The following KATNIP variants were observed in gnomAD, a reference collection of about 807,000 sequenced individuals.
KATNIP encodes katanin interacting protein.
Under a neutral mutation model 174.0 loss-of-function variants are expected in KATNIP, and 126 were observed. The observed-to-expected ratio is 0.72, with a 90% CI of 0.63 to 0.84. The LOEUF is 0.84. Among genes scored for constraint, KATNIP ranks in the 40% least tolerant of loss-of-function variants. The pLI is 0.00. For synonymous variants in KATNIP, 810 were observed against 835.7 expected, an observed-to-expected ratio of 0.97 and a Z score of 0.53; for missense variants, 1,958 against 2,109.7, an observed-to-expected ratio of 0.93 and a Z score of 1.41.
chr16:27,679,348 A>C lies in KATNIP; in HGVS notation c.808+1352A>C, dbSNP rs370697573. ...GTCCTAATCTCCTCTTCTTAGGAGA[A>C]GTTATATTGGATTAGGGCCCACCTA... On this transcript the variant is annotated intron_variant, in intron 7 of 27. Coordinates refer to ENST00000261588, the MANE Select transcript of KATNIP (RefSeq NM_015202.5). 2.6e-5 allele frequency among the ~76,000 whole-genome samples: 4 copies of C among 152,186 alleles called. No individual in the cohort carries two copies. In the East Asian group the frequency reaches 7.7e-4, roughly 29 times the overall value.
rs2081527658 is a variant in KATNIP at position 27,751,783 on chromosome 16, C to T, written c.3411C>T (p.Phe1137=). 1.9e-6 allele frequency: 3 copies of T among 1,614,238 alleles called. No homozygotes were observed. Among genetic ancestry groups the T allele is most frequent in the Non-Finnish European group, 2.5e-6 (3 of 1,180,036 alleles). The part of the protein sequence containing the change: ...TTDDDILEAI[F]YSDEMFDLDV... ...ATGATGACATTCTCGAGGCCATATT[C>T]TATTCTGATGAGATGTTTGACCTGG... Residue 1137 remains phenylalanine, a synonymous_variant, in exon 17 of 28, where the codon TTC becomes TTT. Coordinates refer to ENST00000261588, the MANE Select transcript of KATNIP (RefSeq NM_015202.5).
intron 6 of KATNIP, among the ~76,000 whole-genome samples, chr16:27,657,694 G>A (rs369785046): frequency 3.3e-5 from 5 of 151,852 alleles, no homozygotes; most frequent in African/African-American, 4.8e-5. Flanking sequence ...GGTGGATCAC[G>A]AGGTCAAGAG....
chr16:27,776,745 C>T lies in KATNIP; in HGVS notation c.4450-183C>T, dbSNP rs2082511338. The T allele has an allele frequency of 3.3e-6, 2 of 601,338 alleles. No homozygotes were observed. Among genetic ancestry groups the T allele is most frequent in the African/African-American group, 3.7e-5 (2 of 53,868 alleles). The allele number at this position is 601,338 out of a possible 1,614,324, so 37.3% of individuals were successfully genotyped here. Reference sequence around the variant, plus strand: ...CAGCGGTTTGTTGCAAATGCAGCCACACGTGACCTGACTCAAGATGGGCTT... The same window carrying T: ...CAGCGGTTTGTTGCAAATGCAGCCATACGTGACCTGACTCAAGATGGGCTT... On this transcript the variant is annotated intron_variant, in intron 24 of 27. Coordinates refer to ENST00000261588, the MANE Select transcript of KATNIP (RefSeq NM_015202.5). The surrounding 1 kb of genome is among the most constrained non-coding windows in gnomAD (Gnocchi z 4.7).
intron 18 of KATNIP, among the ~76,000 whole-genome samples, chr16:27,757,760 C>T (rs2081793592): frequency 6.6e-6 from 1 of 152,210 alleles, no homozygotes; most frequent in African/African-American, 2.4e-5. Flanking sequence ...AATCCTCAAC[C>T]TGCTTCACCA....
At chr16:27,703,278 C>T (rs1330875819) in intron 11 of KATNIP, among the ~76,000 whole-genome samples, 4 of 152,134 alleles carry the variant, frequency 2.6e-5, no homozygotes, top group Non-Finnish European at 4.4e-5. Flanking sequence ...TCCTCGGCAT[C>T]GAGATCCTTT....
chr16:27,698,576 C>A (rs2078995840), intron 9 of KATNIP, 76 bp downstream of exon 9: 4 of 1,422,808 alleles, frequency 2.8e-6, no homozygotes, highest in Non-Finnish European at 3.8e-6. Context: ...TTGAGAAGAG[C>A]AAGTGTGCAG....
At chr16:27,657,331 A>T (rs558101578) in intron 6 of KATNIP, among the ~76,000 whole-genome samples, 1 of 152,304 alleles carries the variant, frequency 6.6e-6, no homozygotes, top group East Asian at 1.9e-4. Flanking sequence ...TACTAGCATG[A>T]TACGTTTTCT....
Position 27,775,139 on chromosome 16 carries a change from C to A in KATNIP, c.4449+55C>A, listed in dbSNP as rs532897160. The A allele has an allele frequency of 1.7e-5, 26 of 1,568,044 alleles. 1 individual carries two copies. In the East Asian group the frequency reaches 5.7e-4, roughly 34 times the overall value. Reference sequence around the variant, plus strand: ...CCTGGCCCTCAGGCGGGCAGGGGGACTTTCTTTCCCTGGTCTCAGTGACAC... The same window carrying A: ...CCTGGCCCTCAGGCGGGCAGGGGGAATTTCTTTCCCTGGTCTCAGTGACAC... On this transcript the variant is annotated intron_variant, in intron 24 of 27. Transcript: ENST00000261588.
chr16:27,631,248 A>G, intron 5 of KATNIP, 86 bp downstream of exon 5: 1 of 1,065,872 alleles, frequency 9.4e-7, no homozygotes. Flanking sequence ...AGCATTTAAA[A>G]CCCCCATGGG....
At chr16:27,566,536 A>T (rs1310595840) in intron 1 of KATNIP, among the ~76,000 whole-genome samples, 1 of 150,712 alleles carries the variant, frequency 6.6e-6, no homozygotes, top group Non-Finnish European at 1.5e-5. Flanking sequence ...GACTCTGTCT[A>T]AAAAAAAAGG....
At chr16:27,759,470 C>G (rs1385476055) in intron 18 of KATNIP, among the ~76,000 whole-genome samples, 1 of 152,248 alleles carries the variant, frequency 6.6e-6, no homozygotes, top group Non-Finnish European at 1.5e-5. Flanking sequence ...CTTAACACAA[C>G]TACCATGAAT....
chr16:27,582,691 TC>T, intron 2 of KATNIP, among the ~76,000 whole-genome samples: 2 of 152,314 alleles, frequency 1.3e-5, no homozygotes, highest in Middle Eastern at 6.8e-3. Context: ...ACTTACCTTT[TC>T]GTGATTCGAC....
chr16:27,777,575 G>A lies in KATNIP; in HGVS notation c.4552-35G>A. 1 of 1,570,548 alleles carries A rather than the reference G, an allele frequency of 6.4e-7. No individual in the cohort carries two copies. ...CCCAAGGTCAACGTGGGAGGGACGAGGGGGACCCATGAGTCCTGCCCCGTG... is the reference window on the plus strand; with the variant it reads ...CCCAAGGTCAACGTGGGAGGGACGAAGGGGACCCATGAGTCCTGCCCCGTG... On this transcript the variant is annotated intron_variant, in intron 25 of 27. Coordinates refer to ENST00000261588, the MANE Select transcript of KATNIP (RefSeq NM_015202.5). The surrounding 1 kb of genome is among the most constrained non-coding windows in gnomAD (Gnocchi z 4.4).
intron 8 of KATNIP, among the ~76,000 whole-genome samples, chr16:27,682,340 C>A (rs1287100273): frequency 6.6e-6 from 1 of 152,172 alleles, no homozygotes; most frequent in East Asian, 1.9e-4. Context: ...TGCAATTGTC[C>A]CCATTTCACA....
chr16:27,707,287 G>A (rs886846465), intron 12 of KATNIP, among the ~76,000 whole-genome samples: 23 of 152,288 alleles, frequency 1.5e-4, no homozygotes, highest in African/African-American at 4.6e-4. Context: ...TGACTGATCC[G>A]TGGCGACCAG....
chr16:27,694,523 C>T (rs1474391822), intron 8 of KATNIP, among the ~76,000 whole-genome samples: 3 of 152,178 alleles, frequency 2.0e-5, no homozygotes, highest in African/African-American at 4.8e-5. Flanking sequence ...AGGCCAGGCA[C>T]GGTGGCTCAT....
intron 6 of KATNIP, among the ~76,000 whole-genome samples, chr16:27,652,547 C>A (rs944436769): frequency 8.5e-5 from 13 of 152,144 alleles, no homozygotes; most frequent in Middle Eastern, 3.2e-3. Flanking sequence ...TTGCTGGGCG[C>A]TGTGGCTCAC....
At chr16:27,757,506 G>T in intron 18 of KATNIP, 1 of 985,434 alleles carries the variant, frequency 1.0e-6, no homozygotes, top group Non-Finnish European at 1.2e-6. Flanking sequence ...GCTGCCTGTA[G>T]ATGTGTTTCC....
intron 1 of KATNIP, among the ~76,000 whole-genome samples, chr16:27,558,714 C>T (rs967641739): frequency 1.3e-5 from 2 of 152,204 alleles, no homozygotes; most frequent in African/African-American, 4.8e-5. Context: ...GTAAAAGAGA[C>T]TTATGTGGCC....
Sources: allele counts gnomAD v4.1 joint callset (sites outside exome capture counted in the v4.1 genomes callset), GRCh38; gene constraint gnomAD v4.1.1; non-coding constraint Gnocchi (gnomAD v3.1); transcripts MANE v1.5; gene names NCBI Gene and HGNC (gene_info 2026-07-23, HGNC 2026-07-21).